Variants in AP1M1 observed in about 807,000 individuals in gnomAD.
AP1M1 encodes AP-1 complex subunit mu-1.
A neutral mutation model predicts 57.1 loss-of-function variants in AP1M1; 18 were observed. That is an observed-to-expected ratio of 0.32 (90% confidence interval 0.22 to 0.47). The LOEUF is 0.47. Among genes scored for constraint, AP1M1 ranks in the 20% least tolerant of loss-of-function variants. The pLI, the probability that AP1M1 is intolerant of heterozygous loss-of-function variation, is 1.00. For synonymous variants in AP1M1, 241 were observed against 237.9 expected (o/e 1.01, Z -0.12); for missense variants, 362 against 593.5 (o/e 0.61, Z 4.05).
intron 5 of AP1M1, among the ~76,000 whole-genome samples, chr19:16,223,805 C>T (rs756736633): frequency 6.6e-6 from 1 of 152,252 alleles, no homozygotes; most frequent in Non-Finnish European, 1.5e-5. Flanking sequence ...AGCTGCCAAG[C>T]CTCCTGCCCA....
intron 1 of AP1M1, among the ~76,000 whole-genome samples, chr19:16,198,488 C>CGCCT (rs2091433915): frequency 6.6e-6 from 1 of 152,202 alleles, no homozygotes; most frequent in African/African-American, 2.4e-5. Flanking sequence ...GAGCCAGTCC[C>CGCCT]GCCTTCTCAG....
intron 5 of AP1M1, among the ~76,000 whole-genome samples, chr19:16,215,233 AGGGG>A (rs1568351120): frequency 2.8e-5 from 1 of 35,268 alleles, no homozygotes; most frequent in Non-Finnish European, 5.9e-5. Context: ...GGGGGAGGGG[AGGGG>A]ATCACCTGAG....
At chr19:16,222,089 A>G (rs981129839) in intron 5 of AP1M1, among the ~76,000 whole-genome samples, 2 of 151,468 alleles carry the variant, frequency 1.3e-5, no homozygotes, top group Admixed American at 6.6e-5. Context: ...ATTTTATTCT[A>G]TCTTTTCTTC....
chr19:16,228,306 G>C lies in AP1M1; in HGVS notation c.888+98G>C. On this transcript the variant is annotated intron_variant, in intron 8 of 11. Transcript: ENST00000291439. This position sits in a 1 kb window ranked among gnomAD's most constrained non-coding sequence, Gnocchi z 5.0. ...TGGGGGTGCCGTAGGGCTGCCATCC[G>C]TGCACCCTCACTGTGGCCTCAGATG... 8.0e-7 allele frequency: 1 copy of C among 1,246,192 alleles called. No individual in the cohort carries two copies. Among genetic ancestry groups the C allele is most frequent in the South Asian group, 1.2e-5 (1 of 80,012 alleles). The allele number at this position is 1,246,192 out of a possible 1,614,324, so 77.2% of individuals were successfully genotyped here.
chr19:16,219,335 G>T (rs1046600041), intron 5 of AP1M1, among the ~76,000 whole-genome samples: 7 of 151,628 alleles, frequency 4.6e-5, no homozygotes, highest in Admixed American at 4.6e-4. Flanking sequence ...ATTTGCATAT[G>T]CATCATGAGA....
intron 5 of AP1M1, chr19:16,210,394 C>T (rs1163296686): frequency 1.4e-5 from 10 of 718,176 alleles, no homozygotes; most frequent in Non-Finnish European, 1.8e-5. Context: ...CTGGGTCACA[C>T]GGTAAGTGTA....
chr19:16,225,224 A>G (rs2091566144), intron 5 of AP1M1, among the ~76,000 whole-genome samples: 1 of 152,186 alleles, frequency 6.6e-6, no homozygotes, highest in South Asian at 2.1e-4. Context: ...TGCTTTTTGG[A>G]CATCATGCAT....
At chr19:16,200,853 T>C (rs1272810558) in intron 1 of AP1M1, among the ~76,000 whole-genome samples, 3 of 152,194 alleles carry the variant, frequency 2.0e-5, no homozygotes, top group Non-Finnish European at 2.9e-5. Flanking sequence ...TTTCCTCCTT[T>C]TCTGCCCTCC....
rs574433443 is a variant in AP1M1 at position 16,230,470 on chromosome 19, G to A, written c.1047+1542G>A. Reference sequence around the variant, plus strand: ...GGCTGGAGTGCAGTGGCACAATCTCGGCTCACTGCAACCTGTGCCTCCCAG... The same window carrying A: ...GGCTGGAGTGCAGTGGCACAATCTCAGCTCACTGCAACCTGTGCCTCCCAG... On this transcript the variant is annotated intron_variant, in intron 9 of 11. Transcript: ENST00000291439. 1.5e-3 allele frequency among the ~76,000 whole-genome samples: 225 copies of A among 148,750 alleles called. 1 individual carries two copies. The highest frequency in any genetic ancestry group is 5.3e-3 in the African/African-American group (214 of 40,658).
chr19:16,233,225 G>A (rs1176255361), intron 9 of AP1M1, among the ~76,000 whole-genome samples: 1 of 152,240 alleles, frequency 6.6e-6, no homozygotes, highest in African/African-American at 2.4e-5. Flanking sequence ...ACTGGCAGGG[G>A]CTTGGTGACT....
intron 1 of AP1M1, among the ~76,000 whole-genome samples, chr19:16,201,190 C>G (rs917127639): frequency 4.6e-5 from 7 of 152,094 alleles, no homozygotes; most frequent in Non-Finnish European, 1.0e-4. Context: ...TACTGAGCAC[C>G]TACTATGGTC....
Position 16,206,529 on chromosome 19 carries a change from G to T in AP1M1, c.267+121G>T. 1 of 1,012,174 alleles carries T rather than the reference G, an allele frequency of 9.9e-7. No individual in the cohort carries two copies. The highest frequency in any genetic ancestry group is 1.5e-6 in the Non-Finnish European group (1 of 667,324). 62.7% of individuals were successfully genotyped at this position (1,012,174 alleles called of 1,614,324 possible). On this transcript the variant is annotated intron_variant, in intron 3 of 11. Transcript: ENST00000291439. The surrounding 1 kb of genome is among the most constrained non-coding windows in gnomAD (Gnocchi z 4.3). ...GGCATCCCCAGGGAGCACTGGGGCT[G>T]GAAGCCCAGGAAGTGGGAAAGGGGA...
intron 9 of AP1M1, among the ~76,000 whole-genome samples, chr19:16,229,754 C>G (rs2091587990): frequency 6.6e-6 from 1 of 152,202 alleles, no homozygotes; most frequent in African/African-American, 2.4e-5. Flanking sequence ...GCCAGTTACC[C>G]CACCACCTAA....
At chr19:16,211,713 G>A (rs994049486) in intron 5 of AP1M1, among the ~76,000 whole-genome samples, 21 of 151,746 alleles carry the variant, frequency 1.4e-4, no homozygotes, top group East Asian at 5.8e-4. Context: ...TTGTGCCACC[G>A]CACTCCAGCC....
chr19:16,200,117 C>T (rs140172136), intron 1 of AP1M1, among the ~76,000 whole-genome samples: 3,175 of 152,272 alleles, frequency 0.021, 58 homozygotes, highest in Non-Finnish European at 0.036. Context: ...TCCATGTTAG[C>T]TCTCCCAGGC....
In AP1M1 at chr19:16,238,757, T is replaced by G. The variant is rs1392211245; in HGVS notation, c.*4322T>G. 1 of 150,604 alleles carries G rather than the reference T, an allele frequency of 6.6e-6. No homozygotes were observed. Among genetic ancestry groups the G allele is most frequent in the Non-Finnish European group, 1.5e-5 (1 of 67,744 alleles). 9.3% of individuals were successfully genotyped at this position (150,604 alleles called of 1,614,324 possible). A position where few individuals can be genotyped will look rare whatever the true frequency, so the allele number is the denominator to read the frequency against. On this transcript the variant is annotated 3_prime_UTR_variant, in exon 12 of 12. Transcript: ENST00000291439. ...TTTTTTTTGACAGGGTGTCACTCTG[T>G]TGCCCAGGCCAAAGTGCAGTGGCAT...
In AP1M1 at chr19:16,206,518, G is replaced by A; in HGVS notation, c.267+110G>A. 8.5e-7 allele frequency: 1 copy of A among 1,171,380 alleles called. No individual in the cohort carries two copies. The highest frequency in any genetic ancestry group is 1.3e-5 in the South Asian group (1 of 75,546). The allele number at this position is 1,171,380 out of a possible 1,614,324, so 72.6% of individuals were successfully genotyped here. On this transcript the variant is annotated intron_variant, in intron 3 of 11. Coordinates refer to ENST00000291439, the MANE Select transcript of AP1M1 (RefSeq NM_032493.4). This position sits in a 1 kb window ranked among gnomAD's most constrained non-coding sequence, Gnocchi z 4.3. Reference sequence around the variant, plus strand: ...CAGAGAGCTGTGGCATCCCCAGGGAGCACTGGGGCTGGAAGCCCAGGAAGT... The same window carrying A: ...CAGAGAGCTGTGGCATCCCCAGGGAACACTGGGGCTGGAAGCCCAGGAAGT...
chr19:16,231,063 C>T lies in AP1M1; in HGVS notation c.1047+2135C>T, dbSNP rs946526727. On this transcript the variant is annotated intron_variant, in intron 9 of 11. Transcript: ENST00000291439. Reference sequence around the variant, plus strand: ...CAGCACTTTCGGAGGCTGAGGCGGGCGGATCACAAGGTCAGGAGATCAAGA... The same window carrying T: ...CAGCACTTTCGGAGGCTGAGGCGGGTGGATCACAAGGTCAGGAGATCAAGA... Among the ~76,000 whole-genome samples the T allele has an allele frequency of 8.7e-4, 132 of 151,856 alleles. 2 individuals are homozygous for T. Among genetic ancestry groups the T allele is most frequent in the Admixed American group, 8.2e-3 (125 of 15,246 alleles).
intron 5 of AP1M1, among the ~76,000 whole-genome samples, chr19:16,211,979 A>G (rs528178159): frequency 2.0e-5 from 3 of 152,262 alleles, no homozygotes; most frequent in Non-Finnish European, 4.4e-5. Flanking sequence ...TAGCTTTTTG[A>G]TGTACTGCTG....
Sources: gnomAD v4.1 joint callset for allele counts (sites outside exome capture counted in the v4.1 genomes callset) on GRCh38, gnomAD v4.1.1 for gene constraint, Gnocchi (gnomAD v3.1) non-coding constraint, MANE v1.5 for transcripts, NCBI Gene and HGNC (gene_info 2026-07-23, HGNC 2026-07-21) for gene names.